PRSS23: variants seen among roughly 807,000 people sequenced by gnomAD.
PRSS23 encodes protease, serine 23.
A neutral mutation model predicts 34.7 loss-of-function variants in PRSS23; 25 were observed. That is an observed-to-expected ratio of 0.72 (90% confidence interval 0.53 to 1.01). The LOEUF is 1.01. Ranked by LOEUF, PRSS23 falls within the 50% of genes least tolerant of loss-of-function variation. The pLI, the probability that PRSS23 is intolerant of heterozygous loss-of-function variation, is 0.00. For synonymous variants in PRSS23, 176 were observed against 186.6 expected (o/e 0.94, Z 0.46); for missense variants, 445 against 475.6 (o/e 0.94, Z 0.60).
intron 1 of PRSS23, among the ~76,000 whole-genome samples, chr11:86,817,454 C>G (rs1326482759): frequency 6.6e-6 from 1 of 152,118 alleles, no homozygotes; most frequent in African/African-American, 2.4e-5. Context: ...ATTTTTGAGA[C>G]AAAACTCTAT....
intron 1 of PRSS23, among the ~76,000 whole-genome samples, chr11:86,801,546 T>G (rs1358843033): frequency 6.6e-6 from 1 of 152,238 alleles, no homozygotes; most frequent in East Asian, 1.9e-4. Flanking sequence ...GAGGGCTCCC[T>G]GTGCACTCCT....
At chr11:86,831,316 C>T (rs560526062) in intron 2 of PRSS23, among the ~76,000 whole-genome samples, 1 of 151,864 alleles carries the variant, frequency 6.6e-6, no homozygotes, top group Non-Finnish European at 1.5e-5. Context: ...AGCGGGTTTA[C>T]ACCTTTTTGT....
intron 2 of PRSS23, among the ~76,000 whole-genome samples, chr11:86,891,943 C>T (rs1309009887): frequency 6.6e-6 from 1 of 152,236 alleles, no homozygotes; most frequent in Non-Finnish European, 1.5e-5. Flanking sequence ...CCATGCCAAA[C>T]TGTGAGTTAA....
intron 2 of PRSS23, among the ~76,000 whole-genome samples, chr11:86,919,961 G>A (rs1164128669): frequency 6.6e-6 from 1 of 152,156 alleles, no homozygotes; most frequent in African/African-American, 2.4e-5. Flanking sequence ...CTGCTTCCCA[G>A]CCTCAACTTG....
chr11:86,807,542 A>T (rs1948115603), intron 1 of PRSS23, 89 bp from the exon 2 acceptor site: 1 of 1,248,454 alleles, frequency 8.0e-7, no homozygotes, highest in African/African-American at 1.5e-5. Flanking sequence ...ACTCAGAAAC[A>T]ATGACAGGCC....
intron 1 of PRSS23, among the ~76,000 whole-genome samples, chr11:86,806,829 A>G (rs1254317210): frequency 6.6e-6 from 1 of 152,226 alleles, no homozygotes; most frequent in Non-Finnish European, 1.5e-5. Flanking sequence ...TAAACAACTG[A>G]AAAAGTAACC....
intron 2 of PRSS23, among the ~76,000 whole-genome samples, chr11:86,855,436 C>G (rs1300516369): frequency 6.6e-6 from 1 of 152,140 alleles, no homozygotes; most frequent in Non-Finnish European, 1.5e-5. Context: ...CATTCCCTAT[C>G]CCACTCCTTT....
Position 86,950,858 on chromosome 11 carries a change from A to C in PRSS23, c.207-358A>C. On this transcript the variant is annotated intron_variant, in intron 2 of 2. Coordinates refer to the PRSS23 transcript ENST00000533902. ...TTCCTGGAATCTAGGCAGGACCTCCACGCTCCAAGCTGCAACCTGCTAAAG... is the reference window on the plus strand; with the variant it reads ...TTCCTGGAATCTAGGCAGGACCTCCCCGCTCCAAGCTGCAACCTGCTAAAG... The C allele has an allele frequency of 6.1e-6, 3 of 489,004 alleles. No individual in the cohort carries two copies. In the South Asian group the frequency reaches 6.4e-5, roughly 10 times the overall value. The allele number at this position is 489,004 out of a possible 1,614,324, so 30.3% of individuals were successfully genotyped here.
rs575142888 is a variant in PRSS23, at chr11:86,858,152, G to A, written c.206+34559G>A. On this transcript the variant is annotated intron_variant, in intron 2 of 2. Transcript: ENST00000533902. ...TGTGATATTGTTCCTAATATCCAGT[G>A]GGGGAGAGAATGACATTTCTCCTAA... Among the ~76,000 whole-genome samples the A allele has an allele frequency of 6.2e-4, 95 of 152,120 alleles. 1 individual carries two copies. The highest frequency in any genetic ancestry group is 1.7e-3 in the Admixed American group (26 of 15,282).
At chr11:86,843,062 C>T (rs1267548289) in intron 2 of PRSS23, among the ~76,000 whole-genome samples, 1 of 152,030 alleles carries the variant, frequency 6.6e-6, no homozygotes, top group Non-Finnish European at 1.5e-5. Context: ...GGTACTGGTA[C>T]CAAAACAGAT....
At chr11:86,794,003 A>C (rs192320372) in intron 1 of PRSS23, among the ~76,000 whole-genome samples, 78 of 152,284 alleles carry the variant, frequency 5.1e-4, no homozygotes, top group African/African-American at 1.8e-3. Flanking sequence ...CTGATATTTG[A>C]GCTTGAAGGA....
intron 2 of PRSS23, among the ~76,000 whole-genome samples, chr11:86,890,169 C>T (rs1948831926): frequency 6.6e-6 from 1 of 152,076 alleles, no homozygotes; most frequent in South Asian, 2.1e-4. Context: ...TACTCAGAGG[C>T]TGAGGCATGA....
chr11:86,846,981 A>C lies in PRSS23; in HGVS notation c.206+23388A>C, dbSNP rs562333083. On this transcript the variant is annotated intron_variant, in intron 2 of 2. Transcript: ENST00000533902. Reference sequence around the variant, plus strand: ...TAAACTTTCCCCTTCCTTGGGGCCTATCAAGTACAATCTATGGTGCATGGG... The same window carrying C: ...TAAACTTTCCCCTTCCTTGGGGCCTCTCAAGTACAATCTATGGTGCATGGG... Among the ~76,000 whole-genome samples, 29 of 152,346 alleles carry C rather than the reference A, an allele frequency of 1.9e-4. No individual in the cohort carries two copies. In the South Asian group the frequency reaches 4.8e-3, roughly 25 times the overall value.
chr11:86,848,823 T>C (rs568263804), intron 2 of PRSS23, among the ~76,000 whole-genome samples: 1 of 152,234 alleles, frequency 6.6e-6, no homozygotes, highest in South Asian at 2.1e-4. Context: ...TAGTCTTGGC[T>C]CTCAGACAGG....
At chr11:86,878,267 A>C (rs961117844) in intron 2 of PRSS23, among the ~76,000 whole-genome samples, 1 of 10,468 alleles carries the variant, frequency 9.6e-5, no homozygotes, top group Non-Finnish European at 1.6e-4. Flanking sequence ...CCCTCTCCCC[A>C]CGGTCTCCCT....
chr11:86,895,477 C>CTTTTTTTTTTTTTTTT (rs71040269), intron 2 of PRSS23, among the ~76,000 whole-genome samples: 3 of 86,636 alleles, frequency 3.5e-5, no homozygotes, highest in African/African-American at 4.5e-5. Context: ...TTATTTTATC[C>CTTTTTTTTTTTTTTTT]TTTTTTTTTT....
intron 2 of PRSS23, among the ~76,000 whole-genome samples, chr11:86,856,882 C>G (rs1328766645): frequency 6.6e-6 from 1 of 152,110 alleles, no homozygotes; most frequent in African/African-American, 2.4e-5. Context: ...CAAAGGATCC[C>G]AGAATACTCA....
At chr11:86,934,424 T>A (rs1306603883) in intron 2 of PRSS23, 2 of 152,094 alleles carry the variant, frequency 1.3e-5, no homozygotes, top group African/African-American at 4.8e-5. Context: ...TCCCTCATCA[T>A]ACCTCCCTCC....
intron 2 of PRSS23, chr11:86,837,238 C>A (rs1170591678): frequency 2.6e-5 from 4 of 152,170 alleles, no homozygotes; most frequent in Non-Finnish European, 4.4e-5. Context: ...TAATAGATTG[C>A]CACAAGTTCC....
Sources: gnomAD v4.1 joint callset for allele counts (sites outside exome capture counted in the v4.1 genomes callset) on GRCh38, gnomAD v4.1.1 for gene constraint, MANE v1.5 for transcripts, NCBI Gene and HGNC (gene_info 2026-07-23, HGNC 2026-07-21) for gene names.